The following ARHGEF12 variants were observed in gnomAD, a reference collection of about 807,000 sequenced individuals.
ARHGEF12 encodes the protein KMT2A/ARHGEF12 fusion protein.
A neutral mutation model predicts 211.2 loss-of-function variants in ARHGEF12; 66 were observed. That is an observed-to-expected ratio of 0.31 (90% CI 0.26 to 0.38). The LOEUF (loss-of-function observed/expected upper bound fraction) is 0.38. Ranked by LOEUF, ARHGEF12 falls within the 10% of genes least tolerant of loss-of-function variation. ARHGEF12 has a pLI of 1.00. For synonymous variants in ARHGEF12, 592 were observed against 638.4 expected (o/e 0.93, Z 1.09); for missense variants, 1,429 against 1,869.5 (o/e 0.76, Z 4.34).
intron 1 of ARHGEF12, among the ~76,000 whole-genome samples, chr11:120,348,094 A>G (rs1942822212): frequency 1.3e-5 from 2 of 152,152 alleles, no homozygotes; most frequent in Admixed American, 1.3e-4. Context: ...ATTACATTAT[A>G]TTGCTAGTCT....
At chr11:120,379,037 A>G (rs1028304292) in intron 1 of ARHGEF12, among the ~76,000 whole-genome samples, 1 of 152,166 alleles carries the variant, frequency 6.6e-6, no homozygotes, top group Non-Finnish European at 1.5e-5. Context: ...CTGGATCAGA[A>G]TGTGGAGAAT....
At position 120,451,327 on chromosome 11, in the gene ARHGEF12, T is replaced by C. The variant is rs1591609474; in HGVS notation, c.1844-185T>C. ...CCGAGTAGCTGGGATTACAGGCATG[T>C]GCCACCACGCCCAGCTAATTTTTGT... On this transcript the variant is annotated intron_variant, in intron 21 of 40. Transcript: ENST00000397843. 5 of 516,054 alleles carry C rather than the reference T, an allele frequency of 9.7e-6. No individual in the cohort carries two copies. In the East Asian group the frequency reaches 1.0e-4, roughly 11 times the overall value. The allele number at this position is 516,054 out of a possible 1,614,324, so 32.0% of individuals were successfully genotyped here.
intron 22 of ARHGEF12, among the ~76,000 whole-genome samples, chr11:120,452,559 C>T (rs551074632): frequency 7.9e-5 from 12 of 152,226 alleles, no homozygotes; most frequent in South Asian, 2.1e-4. Flanking sequence ...TGGCTAGTGA[C>T]GTCACCAAGT....
At chr11:120,404,383 TA>T (rs1316685456) in intron 1 of ARHGEF12, among the ~76,000 whole-genome samples, 1 of 152,366 alleles carries the variant, frequency 6.6e-6, no homozygotes, top group East Asian at 1.9e-4. Context: ...TATGTACACA[TA>T]TATTTATTTG....
At chr11:120,427,310 A>G (rs182023523) in intron 7 of ARHGEF12, among the ~76,000 whole-genome samples, 4 of 152,220 alleles carry the variant, frequency 2.6e-5, no homozygotes, top group Non-Finnish European at 4.4e-5. Context: ...TTATTGTGGA[A>G]TATTTTTTGG....
At chr11:120,422,050 A>G (rs1037396162) in intron 6 of ARHGEF12, among the ~76,000 whole-genome samples, 198 bp downstream of exon 6, 3 of 152,214 alleles carry the variant, frequency 2.0e-5, no homozygotes, top group African/African-American at 7.2e-5. Context: ...AAAAGGATTG[A>G]AAATAATGGA....
intron 1 of ARHGEF12, among the ~76,000 whole-genome samples, chr11:120,374,698 C>T (rs1943678640): frequency 6.6e-6 from 1 of 152,114 alleles, no homozygotes; most frequent in Admixed American, 6.6e-5. Flanking sequence ...TCTCAGTTCT[C>T]ATGAACTTGC....
At chr11:120,474,714 A>G (rs1946978338) in intron 32 of ARHGEF12, 79 bp downstream of exon 32, 3 of 1,116,748 alleles carry the variant, frequency 2.7e-6, no homozygotes, top group African/African-American at 3.1e-5. Flanking sequence ...GACAAAGGGA[A>G]GAGGAGAGAA....
chr11:120,379,759 C>T (rs567877681), intron 1 of ARHGEF12, among the ~76,000 whole-genome samples: 2 of 151,874 alleles, frequency 1.3e-5, no homozygotes, highest in Non-Finnish European at 2.9e-5. Flanking sequence ...GAGTGTTAAA[C>T]CTACCTGGCA....
chr11:120,471,519 T>C (rs1424546509), intron 30 of ARHGEF12, among the ~76,000 whole-genome samples: 1 of 152,194 alleles, frequency 6.6e-6, no homozygotes, highest in African/African-American at 2.4e-5. Context: ...AAATTTTCTA[T>C]CATGATAGAA....
At chr11:120,409,314 C>G (rs1382635931) in intron 3 of ARHGEF12, 80 bp from the exon 4 acceptor site, 1 of 1,401,688 alleles carries the variant, frequency 7.1e-7, no homozygotes, top group Non-Finnish European at 1.0e-6. Context: ...ATGATTCATT[C>G]TTTTTTCCCC....
chr11:120,469,464 T>A, intron 30 of ARHGEF12, 76 bp downstream of exon 30: 1 of 1,239,724 alleles, frequency 8.1e-7, no homozygotes, highest in Non-Finnish European at 1.1e-6. Context: ...ATCTGTGAAA[T>A]AGTTGTTAAA....
chr11:120,337,420 G>A, intron 1 of ARHGEF12, 145 bp downstream of exon 1: 13 of 1,486,730 alleles, frequency 8.7e-6, no homozygotes, highest in Non-Finnish European at 1.2e-5. Flanking sequence ...TTAGCCTGGG[G>A]TTGCTGCCGA....
chr11:120,448,618 T>A (rs556746903), intron 20 of ARHGEF12: 191 of 429,174 alleles, frequency 4.5e-4, no homozygotes, highest in African/African-American at 3.6e-3. Flanking sequence ...ACTTTCCTTT[T>A]ACTTTGCCTA....
chr11:120,438,578 A>G (rs1414951956), intron 12 of ARHGEF12: 1 of 152,204 alleles, frequency 6.6e-6, no homozygotes. Flanking sequence ...CTACAGGTAC[A>G]TATTATTCAC....
chr11:120,446,131 G>A (rs959688197), intron 16 of ARHGEF12, among the ~76,000 whole-genome samples: 1 of 151,424 alleles, frequency 6.6e-6, no homozygotes, highest in Non-Finnish European at 1.5e-5. Context: ...CCCGGAGGTG[G>A]AGCTTGCAGT....
At chr11:120,403,669 A>G (rs1331110523) in intron 1 of ARHGEF12, among the ~76,000 whole-genome samples, 1 of 152,214 alleles carries the variant, frequency 6.6e-6, no homozygotes, top group African/African-American at 2.4e-5. Context: ...AAGTAAACAC[A>G]GTATATTCAT....
At chr11:120,477,888 A>AG (rs1463929389) in intron 36 of ARHGEF12, among the ~76,000 whole-genome samples, 3 of 144,176 alleles carry the variant, frequency 2.1e-5, no homozygotes, top group South Asian at 2.9e-4. Context: ...AAAAAGAAAA[A>AG]AAAGAAAATA....
At chr11:120,361,691 A>G (rs760064964) in intron 1 of ARHGEF12, among the ~76,000 whole-genome samples, 14 of 152,254 alleles carry the variant, frequency 9.2e-5, no homozygotes, top group Non-Finnish European at 1.9e-4. Context: ...CAGAGAGGAA[A>G]AAAGTATCCA....
Sources: allele counts gnomAD v4.1 joint callset (sites outside exome capture counted in the v4.1 genomes callset), GRCh38; gene constraint gnomAD v4.1.1; transcripts MANE v1.5; gene names NCBI Gene and HGNC (gene_info 2026-07-23, HGNC 2026-07-21).